The following FRMD5 variants were observed in gnomAD, a reference collection of about 807,000 sequenced individuals.
The protein encoded by FRMD5 is FERM domain-containing protein 5.
In FRMD5, 20 loss-of-function variants were observed where a neutral mutation model predicts 69.0. That is an observed-to-expected ratio of 0.29 (90% CI 0.20 to 0.42). The LOEUF (loss-of-function observed/expected upper bound fraction) is 0.42. FRMD5 is among the 10% of genes least tolerant of loss of function. The pLI is 1.00. For missense variants in FRMD5, 595 were observed against 708.6 expected (o/e 0.84, Z 1.82); for synonymous variants, 271 against 260.1 (o/e 1.04, Z -0.40).
intron 1 of FRMD5, among the ~76,000 whole-genome samples, chr15:44,193,104 A>G (rs1317219239): frequency 6.6e-6 from 1 of 152,194 alleles, no homozygotes; most frequent in African/African-American, 2.4e-5. Flanking sequence ...GGTTCCACTA[A>G]CTGGGAAAAA....
At chr15:44,095,959 T>A (rs1478624692) in intron 1 of FRMD5, among the ~76,000 whole-genome samples, 2 of 152,062 alleles carry the variant, frequency 1.3e-5, no homozygotes, top group African/African-American at 2.4e-5. Context: ...ATAATCCCAA[T>A]ACTTTGGGAG....
intron 1 of FRMD5, among the ~76,000 whole-genome samples, chr15:44,170,949 G>A (rs1003294042): frequency 7.9e-5 from 12 of 152,044 alleles, no homozygotes; most frequent in African/African-American, 2.2e-4. Flanking sequence ...GCCATTCCAT[G>A]ACAAGATATA....
At chr15:44,109,454 T>C (rs1271671439) in intron 1 of FRMD5, among the ~76,000 whole-genome samples, 1 of 152,168 alleles carries the variant, frequency 6.6e-6, no homozygotes, top group African/African-American at 2.4e-5. Flanking sequence ...CTTTGCTTCC[T>C]TTTTTATTTC....
At chr15:43,928,832 A>C (rs1255222693) in intron 1 of FRMD5, among the ~76,000 whole-genome samples, 1 of 152,240 alleles carries the variant, frequency 6.6e-6, no homozygotes, top group African/African-American at 2.4e-5. Flanking sequence ...ATTACTGTTT[A>C]GTCACAAAGT....
chr15:44,106,381 G>A (rs2076718464), intron 1 of FRMD5, among the ~76,000 whole-genome samples: 1 of 152,086 alleles, frequency 6.6e-6, no homozygotes, highest in African/African-American at 2.4e-5. Flanking sequence ...CATATCTCCA[G>A]CCTCATTGCC....
At chr15:44,041,266 C>T (rs1892179354) in intron 1 of FRMD5, among the ~76,000 whole-genome samples, 1 of 152,126 alleles carries the variant, frequency 6.6e-6, no homozygotes, top group Non-Finnish European at 1.5e-5. Context: ...CTTTAACACC[C>T]ACTGTCAACA....
intron 1 of FRMD5, among the ~76,000 whole-genome samples, chr15:43,998,363 T>C (rs1890034548): frequency 1.3e-5 from 2 of 152,200 alleles, no homozygotes; most frequent in Middle Eastern, 3.4e-3. Context: ...ACAGCAAAAG[T>C]ATTAAAGGAC....
chr15:43,965,576 C>CTTTTTT (rs35986581), intron 1 of FRMD5, among the ~76,000 whole-genome samples: 6 of 110,382 alleles, frequency 5.4e-5, no homozygotes, highest in East Asian at 2.5e-4. Flanking sequence ...TTTAAAAAGT[C>CTTTTTT]TTTTTTTTTT....
rs1250245088 is a variant in FRMD5, at chr15:43,872,107, C to G, written c.*1778G>C. 6.6e-6 allele frequency: 1 copy of G among 152,194 alleles called. No individual in the cohort carries two copies. The highest frequency in any genetic ancestry group is 1.5e-5 in the Non-Finnish European group (1 of 68,030). 9.4% of individuals were successfully genotyped at this position (152,194 alleles called of 1,614,324 possible). On this transcript the variant is annotated 3_prime_UTR_variant, in exon 14 of 14. Transcript: ENST00000417257. ...TTTGTGCTGTGATGGCAGAATTGAG[C>G]AGTTGTGACACAGTATGGCGTGCTA...
intron 1 of FRMD5, among the ~76,000 whole-genome samples, chr15:43,982,795 T>C (rs886687326): frequency 3.9e-5 from 6 of 152,220 alleles, no homozygotes; most frequent in African/African-American, 1.4e-4. Flanking sequence ...TGATATGGTT[T>C]CCAAAGAACA....
At position 44,000,059 on chromosome 15, in the gene FRMD5, G is replaced by A. The variant is rs1890143679; in HGVS notation, c.103-75750C>T. Among the ~76,000 whole-genome samples, 5 of 130,240 alleles carry A rather than the reference G, an allele frequency of 3.8e-5. No individual in the cohort carries two copies. In the South Asian group the frequency reaches 1.3e-3, roughly 34 times the overall value. 85.4% of individuals were successfully genotyped at this position (130,240 alleles called of 152,430 possible). A position where few individuals can be genotyped will look rare whatever the true frequency, so the allele number is the denominator to read the frequency against. The stretch of plus-strand genomic sequence containing the variant: ...ACTCTGCTCTGCCACCCTGGCTGGA[G>A]TGCTCATTGCAGCCCCAAACTCCTT... On this transcript the variant is annotated intron_variant, in intron 1 of 13. Transcript: ENST00000417257.
chr15:44,118,204 T>C (rs2076897904), intron 1 of FRMD5, among the ~76,000 whole-genome samples: 2 of 152,134 alleles, frequency 1.3e-5, no homozygotes, highest in Admixed American at 1.3e-4. Flanking sequence ...GGTAACTCCA[T>C]GGTAAGGCCT....
At chr15:44,022,682 T>C (rs548510946) in intron 1 of FRMD5, among the ~76,000 whole-genome samples, 1 of 150,868 alleles carries the variant, frequency 6.6e-6, no homozygotes, top group Non-Finnish European at 1.5e-5. Context: ...TTGCCAAAAA[T>C]TTAACAATCG....
In FRMD5 at chr15:43,873,083, C is replaced by CA; in HGVS notation, c.*801_*802insT. ...GCACTATAAAAGTCTTGAGGTTCTT[C>CA]GGAAAAAAAAAATCACGTTAAGTCT... On this transcript the variant is annotated 3_prime_UTR_variant, in exon 14 of 14. Transcript: ENST00000417257. 2.4e-6 allele frequency: 3 copies of CA among 1,237,880 alleles called. No homozygotes were observed. The African/African-American group carries it at 4.6e-5, about 19-fold the overall frequency. 76.7% of individuals were successfully genotyped at this position (1,237,880 alleles called of 1,614,324 possible). A position where few individuals can be genotyped will look rare whatever the true frequency, so the allele number is the denominator to read the frequency against.
intron 1 of FRMD5, among the ~76,000 whole-genome samples, chr15:44,167,371 CAA>C (rs746109735): frequency 2.1e-5 from 3 of 141,404 alleles, no homozygotes; most frequent in African/African-American, 5.2e-5. Context: ...CTGCCTGTCT[CAA>C]AAAAAAAAAG....
Position 44,002,768 on chromosome 15 carries a change from G to C in FRMD5, c.103-78459C>G, listed in dbSNP as rs955810652. Among the ~76,000 whole-genome samples, 7 of 152,154 alleles carry C rather than the reference G, an allele frequency of 4.6e-5. No individual in the cohort carries two copies. In the South Asian group the frequency reaches 8.3e-4, roughly 18 times the overall value. ...CTACCAGGCCCAGGGTGCGGCGCGGGGCTGTCTGCCTGTGGATTTCATTTC... is the reference window on the plus strand; with the variant it reads ...CTACCAGGCCCAGGGTGCGGCGCGGCGCTGTCTGCCTGTGGATTTCATTTC... On this transcript the variant is annotated intron_variant, in intron 1 of 13. Transcript: ENST00000417257.
intron 1 of FRMD5, among the ~76,000 whole-genome samples, chr15:44,174,657 T>G (rs1481580634): frequency 1.3e-5 from 2 of 152,206 alleles, no homozygotes; most frequent in African/African-American, 4.8e-5. Flanking sequence ...TATTTATGAC[T>G]TCAACAAATC....
At chr15:44,026,517 C>T (rs1891436092) in intron 1 of FRMD5, among the ~76,000 whole-genome samples, 1 of 152,114 alleles carries the variant, frequency 6.6e-6, no homozygotes, top group Non-Finnish European at 1.5e-5. Flanking sequence ...TACATTGTTG[C>T]TTTTCTTCAC....
chr15:43,956,386 T>C (rs2090116162), intron 1 of FRMD5, among the ~76,000 whole-genome samples: 2 of 152,156 alleles, frequency 1.3e-5, no homozygotes, highest in Admixed American at 6.5e-5. Flanking sequence ...AGGGAAATAA[T>C]TGGAATTTTC....
Sources: allele counts gnomAD v4.1 joint callset (sites outside exome capture counted in the v4.1 genomes callset), GRCh38; gene constraint gnomAD v4.1.1; transcripts MANE v1.5; gene names NCBI Gene and HGNC (gene_info 2026-07-23, HGNC 2026-07-21).